RIMBP2: variants seen among roughly 807,000 people sequenced by gnomAD.
The protein encoded by RIMBP2 is RIMS-binding protein 2.
In RIMBP2, 48 loss-of-function variants were observed where a neutral mutation model predicts 118.6. The observed-to-expected ratio is 0.40, with a 90% CI of 0.32 to 0.51. The LOEUF is 0.51. RIMBP2 is among the 20% of genes least tolerant of loss of function. The probability of loss-of-function intolerance (pLI) is 0.41; values close to 1 mark genes in which losing one functional copy is unlikely to be tolerated. For synonymous variants in RIMBP2, 762 were observed against 742.9 expected (o/e 1.03, Z -0.42); for missense variants, 1,551 against 1,768.3 (o/e 0.88, Z 2.20).
rs566653094 is a variant in RIMBP2, at chr12:130,589,578, C to T, written c.-217+38744G>A. 9.9e-5 allele frequency among the ~76,000 whole-genome samples: 15 copies of T among 152,246 alleles called. No individual in the cohort carries two copies. In the East Asian group the frequency reaches 1.5e-3, roughly 16 times the overall value. ...TCCTGAAACTCCACCAAATGACTGACGGATGGAGTGCCAGCCATGCCCAGT... is the reference window on the plus strand; with the variant it reads ...TCCTGAAACTCCACCAAATGACTGATGGATGGAGTGCCAGCCATGCCCAGT... On this transcript the variant is annotated intron_variant, in intron 2 of 22. Coordinates refer to ENST00000690449, the MANE Select transcript of RIMBP2 (RefSeq NM_001393629.1).
intron 1 of RIMBP2, among the ~76,000 whole-genome samples, chr12:130,639,319 G>A (rs1296232246): frequency 1.3e-5 from 2 of 150,706 alleles, no homozygotes; most frequent in Non-Finnish European, 2.9e-5. Flanking sequence ...AACCCGGGAG[G>A]TAGAAGTTGC....
chr12:130,524,197 C>T (rs1014286443), intron 2 of RIMBP2, among the ~76,000 whole-genome samples: 4 of 152,168 alleles, frequency 2.6e-5, no homozygotes, highest in South Asian at 2.1e-4. Flanking sequence ...TAACCCACCA[C>T]GTCTTTCTGA....
At chr12:130,674,900 G>T (rs563956616) in intron 1 of RIMBP2, among the ~76,000 whole-genome samples, 5 of 152,300 alleles carry the variant, frequency 3.3e-5, no homozygotes, top group Admixed American at 6.5e-5. Context: ...CACACAGCGT[G>T]TCCGCAAGGT....
intron 2 of RIMBP2, among the ~76,000 whole-genome samples, chr12:130,557,664 T>A (rs2056478690): frequency 6.6e-6 from 1 of 152,228 alleles, no homozygotes; most frequent in Admixed American, 6.5e-5. Context: ...GCCACCGAGT[T>A]GCTGTAATTT....
chr12:130,426,281 ATTTTTTT>A (rs35232987), intron 15 of RIMBP2: 3 of 140,762 alleles, frequency 2.1e-5, no homozygotes, highest in African/African-American at 7.9e-5. Flanking sequence ...CATGATTTCT[ATTTTTTT>A]TTTTTTTTTG....
At chr12:130,586,147 A>G (rs1725034735) in intron 2 of RIMBP2, among the ~76,000 whole-genome samples, 1 of 152,200 alleles carries the variant, frequency 6.6e-6, no homozygotes, top group Non-Finnish European at 1.5e-5. Flanking sequence ...GTCTTCCCTC[A>G]GGAGAATTTA....
intron 2 of RIMBP2, among the ~76,000 whole-genome samples, chr12:130,585,371 G>T (rs2058817491): frequency 1.3e-5 from 2 of 152,150 alleles, no homozygotes; most frequent in Admixed American, 1.3e-4. Flanking sequence ...CGAAAATTCG[G>T]TAGGAAATTC....
intron 1 of RIMBP2, among the ~76,000 whole-genome samples, chr12:130,696,796 G>A (rs575239124): frequency 2.0e-4 from 31 of 152,178 alleles, no homozygotes; most frequent in Non-Finnish European, 2.8e-4. Context: ...TTGAGAAGCC[G>A]CTTAAACCTC....
chr12:130,513,628 T>G lies in RIMBP2; in HGVS notation c.-127+4200A>C, dbSNP rs143396545. Among the ~76,000 whole-genome samples the G allele has an allele frequency of 3.1e-3, 469 of 152,324 alleles. 2 individuals carry two copies. The highest frequency in any genetic ancestry group is 5.1e-3 in the Non-Finnish European group (348 of 68,028). On this transcript the variant is annotated intron_variant, in intron 3 of 22. Transcript: ENST00000690449. ...CTTCAAAGGCATCAAGCATATTCTT[T>G]GCACTATGTCTTGGATCCCAGCTCA...
At chr12:130,692,747 T>C (rs1278648052) in intron 1 of RIMBP2, among the ~76,000 whole-genome samples, 2 of 147,754 alleles carry the variant, frequency 1.4e-5, no homozygotes, top group Non-Finnish European at 3.0e-5. Flanking sequence ...TGGAATGGGG[T>C]AGAATAGAAT....
intron 2 of RIMBP2, among the ~76,000 whole-genome samples, chr12:130,614,611 A>G (rs2060780678): frequency 6.6e-6 from 1 of 152,192 alleles, no homozygotes; most frequent in Non-Finnish European, 1.5e-5. Context: ...AATAAAAAAC[A>G]TAAGAATGCG....
At chr12:130,557,319 C>T (rs989951484) in intron 2 of RIMBP2, among the ~76,000 whole-genome samples, 2 of 152,156 alleles carry the variant, frequency 1.3e-5, no homozygotes, top group East Asian at 3.9e-4. Flanking sequence ...CAAGCTTCAG[C>T]CCCCAACTGT....
intron 1 of RIMBP2, among the ~76,000 whole-genome samples, chr12:130,645,724 C>G (rs1000926638): frequency 6.6e-6 from 1 of 152,226 alleles, no homozygotes. Flanking sequence ...GTCTCTGGAT[C>G]AAACCGTGCC....
chr12:130,414,578 G>T, intron 17 of RIMBP2: 1 of 295,726 alleles, frequency 3.4e-6, no homozygotes, highest in Non-Finnish European at 6.3e-6. Flanking sequence ...AGAGAGCACA[G>T]GCTGGGGCAG....
chr12:130,663,293 C>A (rs4759742), intron 1 of RIMBP2, among the ~76,000 whole-genome samples: 2 of 151,890 alleles, frequency 1.3e-5, no homozygotes, highest in African/African-American at 2.4e-5. Flanking sequence ...CCTGTCCATG[C>A]GCCCTGAGAC....
intron 1 of RIMBP2, among the ~76,000 whole-genome samples, chr12:130,675,137 G>A (rs925725379): frequency 3.9e-5 from 6 of 152,186 alleles, no homozygotes; most frequent in Non-Finnish European, 8.8e-5. Context: ...CAGTTGTCCC[G>A]AAGGACCTGT....
intron 2 of RIMBP2, among the ~76,000 whole-genome samples, chr12:130,596,716 C>A (rs1372093790): frequency 6.6e-6 from 1 of 152,166 alleles, no homozygotes. Context: ...TTTTAAGAGC[C>A]CCTAACAGCC....
chr12:130,682,050 G>T (rs1041816015), intron 1 of RIMBP2, among the ~76,000 whole-genome samples: 2 of 152,184 alleles, frequency 1.3e-5, no homozygotes, highest in Non-Finnish European at 1.5e-5. Context: ...ACTATCCCTC[G>T]TAAATGTGGG....
At chr12:130,610,721 C>A (rs943439021) in intron 2 of RIMBP2, among the ~76,000 whole-genome samples, 1 of 151,314 alleles carries the variant, frequency 6.6e-6, no homozygotes, top group Non-Finnish European at 1.5e-5. Flanking sequence ...CTACCACGCC[C>A]GGCTAATTTT....
Sources: allele counts gnomAD v4.1 joint callset (sites outside exome capture counted in the v4.1 genomes callset), GRCh38; gene constraint gnomAD v4.1.1; transcripts MANE v1.5; gene names NCBI Gene and HGNC (gene_info 2026-07-23, HGNC 2026-07-21).